The following PDGFD variants were observed in gnomAD, a reference collection of about 807,000 sequenced individuals.
PDGFD encodes platelet-derived growth factor D.
A neutral mutation model predicts 44.7 loss-of-function variants in PDGFD; 30 were observed. The ratio of observed to expected loss-of-function variants is 0.67; its 90% CI spans 0.50 to 0.91. The LOEUF is 0.91. Among genes scored for constraint, PDGFD ranks in the 40% least tolerant of loss-of-function variants. The pLI, the probability that PDGFD is intolerant of heterozygous loss-of-function variation, is 0.00. For missense variants in PDGFD, 445 were observed against 457.8 expected (o/e 0.97, Z 0.25); for synonymous variants, 173 against 168.4 (o/e 1.03, Z -0.21).
chr11:104,133,984 C>G (rs1861963266), intron 1 of PDGFD, among the ~76,000 whole-genome samples: 1 of 152,208 alleles, frequency 6.6e-6, no homozygotes, highest in African/African-American at 2.4e-5. Context: ...AAGACAGACA[C>G]TTGTGCAATC....
At chr11:104,022,733 T>TAA (rs1859980382) in intron 1 of PDGFD, among the ~76,000 whole-genome samples, 2 of 133,694 alleles carry the variant, frequency 1.5e-5, no homozygotes, top group Non-Finnish European at 3.4e-5. Context: ...ACACACACTA[T>TAA]AAACATATAA....
intron 1 of PDGFD, among the ~76,000 whole-genome samples, chr11:104,128,164 G>C (rs1274697278): frequency 7.9e-6 from 1 of 126,892 alleles, no homozygotes; most frequent in East Asian, 2.6e-4. Context: ...ATCTACCCTG[G>C]ACCACCTGAG....
At chr11:104,004,291 C>T (rs963370244) in intron 1 of PDGFD, among the ~76,000 whole-genome samples, 1 of 152,126 alleles carries the variant, frequency 6.6e-6, no homozygotes, top group Non-Finnish European at 1.5e-5. Context: ...TCATCAACAT[C>T]AAATTGAAAA....
chr11:104,075,628 A>T (rs1242512136), intron 1 of PDGFD, among the ~76,000 whole-genome samples: 1 of 152,012 alleles, frequency 6.6e-6, no homozygotes, highest in East Asian at 1.9e-4. Flanking sequence ...AGTAGTTAGG[A>T]CTACAGGTGT....
intron 1 of PDGFD, among the ~76,000 whole-genome samples, chr11:104,035,762 C>T (rs1394409273): frequency 1.3e-5 from 2 of 152,032 alleles, no homozygotes; most frequent in Non-Finnish European, 2.9e-5. Context: ...CAGCCCTTGC[C>T]ATAAATTCCT....
chr11:104,085,554 GA>G (rs1861117596), intron 1 of PDGFD, among the ~76,000 whole-genome samples: 1 of 151,978 alleles, frequency 6.6e-6, no homozygotes, highest in African/African-American at 2.4e-5. Context: ...TTCCACGTTA[GA>G]AATTCAAACA....
At chr11:104,090,445 C>A (rs1861195832) in intron 1 of PDGFD, among the ~76,000 whole-genome samples, 3 of 149,002 alleles carry the variant, frequency 2.0e-5, no homozygotes, top group Admixed American at 2.0e-4. Flanking sequence ...CACAGTGATA[C>A]CCTGTCTCTA....
chr11:103,954,373 A>G (rs970544327), intron 3 of PDGFD, among the ~76,000 whole-genome samples: 2 of 152,220 alleles, frequency 1.3e-5, no homozygotes, highest in Non-Finnish European at 1.5e-5. Flanking sequence ...GTCTTTGCAG[A>G]CAGCTGTTCA....
chr11:103,963,444 C>T (rs893106335), intron 3 of PDGFD, among the ~76,000 whole-genome samples: 1 of 152,110 alleles, frequency 6.6e-6, no homozygotes, highest in Admixed American at 6.6e-5. Context: ...AATTTCTTCT[C>T]GAGTTTTTTT....
chr11:104,133,523 G>A (rs1228280864), intron 1 of PDGFD, among the ~76,000 whole-genome samples: 1 of 152,146 alleles, frequency 6.6e-6, no homozygotes, highest in Admixed American at 6.5e-5. Context: ...TCTAGCACAA[G>A]AGATGAAGAT....
At chr11:103,921,274 T>A (rs1321939582) in intron 6 of PDGFD, among the ~76,000 whole-genome samples, 1 of 152,204 alleles carries the variant, frequency 6.6e-6, no homozygotes, top group Non-Finnish European at 1.5e-5. Context: ...TTTATTATGG[T>A]TAGGTATAAT....
At chr11:103,933,988 T>G (rs570582685) in intron 5 of PDGFD, among the ~76,000 whole-genome samples, 8 of 152,136 alleles carry the variant, frequency 5.3e-5, no homozygotes, top group Non-Finnish European at 1.2e-4. Flanking sequence ...AAAAATTTTT[T>G]AAAAAACAAG....
intron 1 of PDGFD, among the ~76,000 whole-genome samples, chr11:104,095,601 A>C (rs1295962919): frequency 1.0e-5 from 1 of 98,314 alleles, no homozygotes; most frequent in African/African-American, 3.6e-5. Flanking sequence ...GAGAAGAAGA[A>C]GGAGGGAGGG....
At chr11:104,096,818 A>G (rs1861296315) in intron 1 of PDGFD, among the ~76,000 whole-genome samples, 1 of 152,144 alleles carries the variant, frequency 6.6e-6, no homozygotes, top group African/African-American at 2.4e-5. Flanking sequence ...ATTTTATCCA[A>G]TGGTGTAAAG....
At chr11:104,142,447 A>G (rs11226205) in intron 1 of PDGFD, among the ~76,000 whole-genome samples, 29,969 of 152,038 alleles carry the variant, frequency 0.2, 3,125 homozygotes, top group Middle Eastern at 0.29. Context: ...GTGTGTGTGT[A>G]TATATATAGT....
At chr11:104,107,669 T>C (rs1367576669) in intron 1 of PDGFD, among the ~76,000 whole-genome samples, 1 of 152,178 alleles carries the variant, frequency 6.6e-6, no homozygotes, top group Non-Finnish European at 1.5e-5. Flanking sequence ...TTTTCACCAA[T>C]AACAAAATTC....
At chr11:103,930,091 T>G (rs1858377434) in intron 5 of PDGFD, among the ~76,000 whole-genome samples, 2 of 152,250 alleles carry the variant, frequency 1.3e-5, no homozygotes, top group African/African-American at 4.8e-5. Context: ...TCTGTCATTC[T>G]GAATTTTAGT....
chr11:103,938,496 C>T (rs958653765), intron 5 of PDGFD, among the ~76,000 whole-genome samples: 1 of 152,138 alleles, frequency 6.6e-6, no homozygotes, highest in African/African-American at 2.4e-5. Context: ...TTCTCCCATT[C>T]TGTAAGTTGC....
chr11:103,990,356 T>C (rs116178969), intron 3 of PDGFD, among the ~76,000 whole-genome samples: 2,369 of 152,310 alleles, frequency 0.016, 49 homozygotes, highest in African/African-American at 0.053. Flanking sequence ...CAGGTCTCCA[T>C]TGAAATTTTA....
Sources: gnomAD v4.1 joint callset for allele counts (sites outside exome capture counted in the v4.1 genomes callset) on GRCh38, gnomAD v4.1.1 for gene constraint, MANE v1.5 for transcripts, NCBI Gene and HGNC (gene_info 2026-07-23, HGNC 2026-07-21) for gene names.